Variants in WNK2 observed in about 807,000 individuals in gnomAD.
WNK2 encodes the protein serine/threonine-protein kinase WNK2.
In WNK2, 67 loss-of-function variants were observed where a neutral mutation model predicts 192.1. The observed-to-expected ratio is 0.35, with a 90% CI of 0.29 to 0.43. The LOEUF is 0.43. WNK2 is among the 20% of genes least tolerant of loss of function. The pLI is 1.00. For synonymous variants in WNK2, 1,439 were observed against 1,393.9 expected, an observed-to-expected ratio of 1.03 and a Z score of -0.72; for missense variants, 2,698 against 3,089.7, an observed-to-expected ratio of 0.87 and a Z score of 3.01.
At chr9:93,295,781 A>C (rs1588508417) in intron 23 of WNK2, among the ~76,000 whole-genome samples, 5 of 89,970 alleles carry the variant, frequency 5.6e-5, no homozygotes, top group African/African-American at 9.0e-5. Flanking sequence ...TCCTCCCTTC[A>C]CCTTCCTTGT....
chr9:93,242,173 A>G (rs1840883306), intron 7 of WNK2, among the ~76,000 whole-genome samples: 2 of 152,106 alleles, frequency 1.3e-5, no homozygotes, highest in Admixed American at 6.5e-5. Flanking sequence ...GAGGATGGCT[A>G]CAGCTCCCAC....
chr9:93,262,813 A>G, intron 14 of WNK2, 94 bp downstream of exon 14: 1 of 1,431,870 alleles, frequency 7.0e-7, no homozygotes, highest in South Asian at 1.2e-5. Flanking sequence ...TTCCCCTGGA[A>G]CCCACTATAG....
Position 93,230,874 on chromosome 9 carries a change from G to C in WNK2, c.855-14G>C, listed in dbSNP as rs371219991. On this transcript the variant is annotated splice_polypyrimidine_tract_variant and intron_variant, in intron 3 of 29. Coordinates refer to ENST00000427277, the MANE Select transcript of WNK2 (RefSeq NM_006648.4). ...GCGAGCTGCTTGGTGAGCTGTGCCC[G>C]TGAACCCCTGCAGATACCTGAAGCG... 3.4e-5 allele frequency: 54 copies of C among 1,608,772 alleles called. No individual in the cohort carries two copies. In the African/African-American group the frequency reaches 6.8e-4, roughly 20 times the overall value.
Position 93,215,867 on chromosome 9 carries a change from C to G in WNK2, c.682-13829C>G, listed in dbSNP as rs147982173. 6.9e-3 allele frequency among the ~76,000 whole-genome samples: 1,047 copies of G among 152,152 alleles called. 13 individuals carry two copies. The highest frequency in any genetic ancestry group is 0.023 in the African/African-American group (942 of 41,490). ...TTATTTTTCATCATTTTGGTCTTGTCTCCTGATCTTCTTGGTCATTTTTTA... is the reference window on the plus strand; with the variant it reads ...TTATTTTTCATCATTTTGGTCTTGTGTCCTGATCTTCTTGGTCATTTTTTA... On this transcript the variant is annotated intron_variant, in intron 2 of 29. Coordinates refer to ENST00000427277, the MANE Select transcript of WNK2 (RefSeq NM_006648.4).
At chr9:93,228,851 C>T (rs532961986) in intron 2 of WNK2, among the ~76,000 whole-genome samples, 45 of 152,062 alleles carry the variant, frequency 3.0e-4, no homozygotes, top group African/African-American at 1.0e-3. Flanking sequence ...TGGGAGAGAG[C>T]GTGGCGAGGG....
rs140025803 is a variant in WNK2, at chr9:93,220,359, C to T, written c.682-9337C>T. Among the ~76,000 whole-genome samples the T allele has an allele frequency of 7.9e-5, 12 of 152,262 alleles. No individual in the cohort carries two copies. The South Asian group carries it at 8.3e-4, about 11-fold the overall frequency. ...CATGCTGCCCAACACCAGTGCAGGA[C>T]GGGACATGGTAGGAAGGGGCCGAGG... On this transcript the variant is annotated intron_variant, in intron 2 of 29. Transcript: ENST00000427277.
At position 93,263,710 on chromosome 9, in the gene WNK2, C is replaced by T. The variant is rs944139350; in HGVS notation, c.3555C>T (p.Ser1185=). 7 of 1,524,568 alleles carry T rather than the reference C, an allele frequency of 4.6e-6. No homozygotes were observed. Among genetic ancestry groups the T allele is most frequent in the South Asian group, 3.6e-5 (3 of 83,004 alleles). 94.4% of individuals were successfully genotyped at this position (1,524,568 alleles called of 1,614,324 possible). ...TRARSRQERA[S]RPRLTILNVC... is the part of the protein sequence containing the mutation. ...CGCGCTCCCGGCAGGAGAGGGCCAGCCGGCCCCGGCTTACCATCTTGAACG... is the reference window on the plus strand; with the variant it reads ...CGCGCTCCCGGCAGGAGAGGGCCAGTCGGCCCCGGCTTACCATCTTGAACG... The change falls in exon 15 of 30, where the codon AGC becomes AGT. Residue 1185 remains serine (S), a synonymous_variant. Transcript: ENST00000427277.
chr9:93,283,208 G>T (rs2133643709), intron 19 of WNK2, among the ~76,000 whole-genome samples: 1 of 152,208 alleles, frequency 6.6e-6, no homozygotes, highest in South Asian at 2.1e-4. Context: ...TTGGACAGGA[G>T]AAAAGTCTGA....
chr9:93,317,458 T>C lies in WNK2; in HGVS notation c.6517-62T>C. On this transcript the variant is annotated intron_variant, in intron 28 of 29. Transcript: ENST00000427277. ...GAAACTGTGGCACCCTGGGGGCCAC[T>C]AAGGGAGGCCAGCTGATTGCAGCCA... is the stretch of plus-strand genomic sequence containing the variant. The C allele has an allele frequency of 3.2e-6, 5 of 1,551,846 alleles. No individual in the cohort carries two copies. In the South Asian group the frequency reaches 5.7e-5, roughly 18 times the overall value.
At chr9:93,299,655 G>A (rs893195039) in intron 25 of WNK2, among the ~76,000 whole-genome samples, 6 of 151,940 alleles carry the variant, frequency 3.9e-5, no homozygotes, top group African/African-American at 1.5e-4. Flanking sequence ...CCAAAGTCCA[G>A]AGGGACGGCT....
chr9:93,308,295 G>A (rs1230531449), intron 27 of WNK2, 33 bp from the exon 28 acceptor site: 37 of 1,539,706 alleles, frequency 2.4e-5, no homozygotes, highest in Admixed American at 4.0e-5. Flanking sequence ...CGTGTGTGGC[G>A]TCACCAATCC....
At position 93,189,889 on chromosome 9, in the gene WNK2, G is replaced by A. The variant is rs373451807; in HGVS notation, c.681+4279G>A. 2.4e-4 allele frequency among the ~76,000 whole-genome samples: 36 copies of A among 152,352 alleles called. No individual in the cohort carries two copies. In the South Asian group the frequency reaches 7.0e-3, roughly 30 times the overall value. On this transcript the variant is annotated intron_variant, in intron 2 of 29. Coordinates refer to ENST00000427277, the MANE Select transcript of WNK2 (RefSeq NM_006648.4). ...CTCACCTGCTTTTAGCCCTGACCCA[G>A]CTGAAATGGGGAGAAGAGGAGACGA...
chr9:93,211,068 A>C (rs1247377362), intron 2 of WNK2, among the ~76,000 whole-genome samples: 16 of 152,216 alleles, frequency 1.1e-4, no homozygotes, highest in Non-Finnish European at 2.9e-5. Context: ...ACATTCACTC[A>C]TTCACACACT....
chr9:93,219,665 G>T (rs1031000345), intron 2 of WNK2, among the ~76,000 whole-genome samples: 25 of 152,234 alleles, frequency 1.6e-4, no homozygotes, highest in Non-Finnish European at 3.1e-4. Context: ...TGAGAGTGGG[G>T]TCGCTCAGGT....
rs1307022511 is a variant in WNK2 at position 93,308,539 on chromosome 9, C to T, written c.6471C>T (p.Asp2157=). Residue 2157 remains aspartate, a synonymous_variant, in exon 28 of 30, where the codon GAC becomes GAT. Transcript: ENST00000427277. The part of the protein sequence containing the change: ...NQLKQTQKLQ[D]MEAQAGWAAP... ...TGAAGCAGACCCAGAAGCTGCAAGA[C>T]ATGGAGGCCCAGGCAGGCTGGGCTG... The T allele has an allele frequency of 2.5e-6, 4 of 1,603,050 alleles. No homozygotes were observed. Among genetic ancestry groups the T allele is most frequent in the Non-Finnish European group, 2.6e-6 (3 of 1,175,732 alleles).
chr9:93,185,457 G>C lies in WNK2; in HGVS notation c.528G>C (p.Glu176Asp). Residue 176 changes from glutamate to aspartate, a missense_variant, in exon 2 of 30, where the codon GAG becomes GAC. By Grantham distance (45) the Glu-to-Asp change is conservative. This residue lies in a region of WNK2 where 260 missense variants were observed against 285.6 expected (regional missense o/e 0.91). Transcript: ENST00000427277. ...GRTRRDEPEE[E>D]EDDEDDLKAV... ...CTCGCCGGGACGAGCCCGAAGAGGAGGAGGACGACGAGGACGACCTCAAGG... is the reference window on the plus strand; with the variant it reads ...CTCGCCGGGACGAGCCCGAAGAGGACGAGGACGACGAGGACGACCTCAAGG... 6.2e-7 allele frequency: 1 copy of C among 1,612,592 alleles called. No homozygotes were observed. Among genetic ancestry groups the C allele is most frequent in the Non-Finnish European group, 8.5e-7 (1 of 1,179,716 alleles).
At chr9:93,240,640 T>C (rs1442208362) in intron 7 of WNK2, among the ~76,000 whole-genome samples, 1 of 150,638 alleles carries the variant, frequency 6.6e-6, no homozygotes, top group East Asian at 2.0e-4. Flanking sequence ...CAGAAAGGAG[T>C]GGGAGTGGTC....
chr9:93,189,732 G>A (rs957733337), intron 2 of WNK2, among the ~76,000 whole-genome samples: 5 of 152,242 alleles, frequency 3.3e-5, no homozygotes, highest in African/African-American at 9.6e-5. Flanking sequence ...CCGTGCAGGT[G>A]GGATCCTTAT....
At chr9:93,220,870 C>T (rs973548030) in intron 2 of WNK2, among the ~76,000 whole-genome samples, 3 of 152,188 alleles carry the variant, frequency 2.0e-5, no homozygotes, top group Admixed American at 6.5e-5. Flanking sequence ...TTCATTGCCT[C>T]AGGGGTGCCT....
Sources: gnomAD v4.1 joint callset for allele counts (sites outside exome capture counted in the v4.1 genomes callset) on GRCh38, gnomAD v4.1.1 for gene constraint, gnomAD v4.1.1 regional missense constraint, MANE v1.5 for transcripts, NCBI Gene and HGNC (gene_info 2026-07-23, HGNC 2026-07-21) for gene names.